Variants in COL8A1 observed in about 807,000 individuals in gnomAD.
The protein encoded by COL8A1 is collagen alpha-1(VIII) chain.
Under a neutral mutation model 42.7 loss-of-function variants are expected in COL8A1, and 21 were observed. The observed-to-expected ratio is 0.49, with a 90% CI of 0.35 to 0.71. The LOEUF (loss-of-function observed/expected upper bound fraction) is 0.71, where lower values mean the gene tolerates loss of function less well. COL8A1 is among the 30% of genes least tolerant of loss of function. The pLI, the probability that COL8A1 is intolerant of heterozygous loss-of-function variation, is 0.01. For synonymous variants in COL8A1, 367 were observed against 369.1 expected, an observed-to-expected ratio of 0.99 and a Z score of 0.06; for missense variants, 788 against 962.4, an observed-to-expected ratio of 0.82 and a Z score of 2.40.
chr3:99,795,338 C>T lies in COL8A1; in HGVS notation c.1437C>T (p.Leu479=), dbSNP rs61753448. ...VPGLPGVPGL[L]GPKGEPGIPG... is the part of the protein sequence containing the mutation. ...GACTCCCTGGTGTTCCAGGGCTTCTCGGACCTAAGGGAGAGCCAGGAATCC... is the reference window on the plus strand; with the variant it reads ...GACTCCCTGGTGTTCCAGGGCTTCTTGGACCTAAGGGAGAGCCAGGAATCC... The change falls in exon 4 of 4, where the codon CTC becomes CTT. Residue 479 remains leucine, a synonymous_variant. Transcript: ENST00000652472. 1,177 of 1,597,910 alleles carry T rather than the reference C, an allele frequency of 7.4e-4. 7 individuals carry two copies. In the African/African-American group the frequency reaches 0.014, roughly 19 times the overall value.
intron 1 of COL8A1, among the ~76,000 whole-genome samples, chr3:99,674,531 C>A (rs550373582): frequency 6.6e-6 from 1 of 152,012 alleles, no homozygotes; most frequent in South Asian, 2.1e-4. Context: ...CTTCCAGCCC[C>A]AGATCATGAC....
chr3:99,734,192 G>A lies in COL8A1; in HGVS notation c.-128-10705G>A, dbSNP rs534548051. Among the ~76,000 whole-genome samples the A allele has an allele frequency of 2.8e-3, 414 of 146,364 alleles. 10 individuals carry two copies. The highest frequency in any genetic ancestry group is 9.7e-3 in the African/African-American group (369 of 38,090). ...GTCAATTTTGTCTTTTGTTGCCATT[G>A]CTTTTGGTGTTTTAGACATGAAGTC... On this transcript the variant is annotated intron_variant, in intron 1 of 3. Coordinates refer to ENST00000652472, the MANE Select transcript of COL8A1 (RefSeq NM_020351.4).
intron 2 of COL8A1, among the ~76,000 whole-genome samples, chr3:99,759,406 C>G (rs941393933): frequency 1.3e-5 from 2 of 152,166 alleles, no homozygotes; most frequent in Non-Finnish European, 2.9e-5. Flanking sequence ...AGACTTCTAT[C>G]CTAGAAATAT....
At chr3:99,751,246 A>G (rs1251186983) in intron 2 of COL8A1, among the ~76,000 whole-genome samples, 1 of 152,152 alleles carries the variant, frequency 6.6e-6, no homozygotes, top group African/African-American at 2.4e-5. Flanking sequence ...TGCAGATGAG[A>G]AAGTAGGAAC....
At chr3:99,662,945 C>A (rs976755143) in intron 1 of COL8A1, among the ~76,000 whole-genome samples, 1 of 152,112 alleles carries the variant, frequency 6.6e-6, no homozygotes, top group Non-Finnish European at 1.5e-5. Flanking sequence ...TATCTCTGAT[C>A]CGGATGCATT....
chr3:99,674,265 G>T (rs1938626405), intron 1 of COL8A1, among the ~76,000 whole-genome samples: 2 of 152,018 alleles, frequency 1.3e-5, no homozygotes, highest in South Asian at 4.2e-4. Context: ...GCCAGAGTGT[G>T]CCTTCATACC....
chr3:99,793,405 A>T (rs7649862), intron 3 of COL8A1, among the ~76,000 whole-genome samples: 10,456 of 152,046 alleles, frequency 0.069, 428 homozygotes, highest in Middle Eastern at 0.085. Context: ...TACAACTATA[A>T]TTTGGATAAC....
chr3:99,719,987 G>C lies in COL8A1; in HGVS notation c.-128-24910G>C, dbSNP rs570943998. 2.6e-5 allele frequency among the ~76,000 whole-genome samples: 4 copies of C among 152,144 alleles called. No individual in the cohort carries two copies. In the South Asian group the frequency reaches 8.3e-4, roughly 32 times the overall value. On this transcript the variant is annotated intron_variant, in intron 1 of 3. Transcript: ENST00000652472. Reference sequence around the variant, plus strand: ...CAACTTTGGTATTCATTTGCATATTGGTAAATTTTTTAGTCCACATTACTA... The same window carrying C: ...CAACTTTGGTATTCATTTGCATATTCGTAAATTTTTTAGTCCACATTACTA...
intron 1 of COL8A1, among the ~76,000 whole-genome samples, chr3:99,713,299 A>G (rs1256862783): frequency 6.6e-6 from 1 of 152,226 alleles, no homozygotes; most frequent in South Asian, 2.1e-4. Context: ...AACCCCTTCA[A>G]TCTTCCACCA....
chr3:99,784,170 T>A (rs1941848417), intron 2 of COL8A1, among the ~76,000 whole-genome samples: 1 of 152,222 alleles, frequency 6.6e-6, no homozygotes, highest in Non-Finnish European at 1.5e-5. Context: ...GCTGGAACTT[T>A]GTTAGCTAAT....
At chr3:99,720,986 G>A (rs931936746) in intron 1 of COL8A1, among the ~76,000 whole-genome samples, 3 of 151,962 alleles carry the variant, frequency 2.0e-5, no homozygotes, top group South Asian at 2.1e-4. Flanking sequence ...GAGTAGAAAC[G>A]GAGAATGGGC....
At position 99,766,036 on chromosome 3, in the gene COL8A1, G is replaced by A. The variant is rs139012978; in HGVS notation, c.-4+21015G>A. 4.5e-3 allele frequency among the ~76,000 whole-genome samples: 685 copies of A among 152,232 alleles called. 5 individuals carry two copies. The highest frequency in any genetic ancestry group is 0.015 in the African/African-American group (636 of 41,532). On this transcript the variant is annotated intron_variant, in intron 2 of 3. Coordinates refer to ENST00000652472, the MANE Select transcript of COL8A1 (RefSeq NM_020351.4). ...GGACAATTTTGTTCATAGATATGCCGAAGGTACCAGAGCTGGTTGGTAAAA... is the reference window on the plus strand; with the variant it reads ...GGACAATTTTGTTCATAGATATGCCAAAGGTACCAGAGCTGGTTGGTAAAA...
At chr3:99,696,975 AAT>A (rs1939389055) in intron 1 of COL8A1, among the ~76,000 whole-genome samples, 5 of 133,894 alleles carry the variant, frequency 3.7e-5, no homozygotes, top group African/African-American at 1.3e-4. Context: ...AATATACACA[AAT>A]TTTTTTTTTT....
At chr3:99,774,548 G>A (rs1464960101) in intron 2 of COL8A1, among the ~76,000 whole-genome samples, 1 of 152,236 alleles carries the variant, frequency 6.6e-6, no homozygotes, top group East Asian at 1.9e-4. Flanking sequence ...GGGAGATGGA[G>A]AGAAGCCAGC....
At position 99,795,991 on chromosome 3, in the gene COL8A1, T is replaced by A. The variant is rs757707029; in HGVS notation, c.2090T>A (p.Leu697Gln). 6.2e-7 allele frequency: 1 copy of A among 1,613,880 alleles called. No individual in the cohort carries two copies. Among genetic ancestry groups the A allele is most frequent in the Non-Finnish European group, 8.5e-7 (1 of 1,179,956 alleles). The change falls in exon 4 of 4, where the codon CTG (leucine) becomes CAG (glutamine). Residue 697 changes from leucine (L) to glutamine (Q), a missense_variant. Transcript: ENST00000652472. Reference sequence around the variant, plus strand: ...TACGACGAGTACAAAAAGGGCTTCCTGGACCAGGCATCTGGGAGTGCAGTG... The same window carrying A: ...TACGACGAGTACAAAAAGGGCTTCCAGGACCAGGCATCTGGGAGTGCAGTG... ...YTYDEYKKGF[L>Q]DQASGSAVLL...
chr3:99,735,895 A>C (rs1231564821), intron 1 of COL8A1, among the ~76,000 whole-genome samples: 3 of 151,960 alleles, frequency 2.0e-5, no homozygotes, highest in African/African-American at 7.2e-5. Flanking sequence ...TGTATGTGTC[A>C]AGGAATTTAT....
At chr3:99,711,559 A>C (rs1026447894) in intron 1 of COL8A1, among the ~76,000 whole-genome samples, 5 of 152,254 alleles carry the variant, frequency 3.3e-5, no homozygotes, top group African/African-American at 1.2e-4. Context: ...AAACGAAGCC[A>C]GTTCTCACCA....
At chr3:99,674,472 C>A (rs964715830) in intron 1 of COL8A1, among the ~76,000 whole-genome samples, 11 of 151,580 alleles carry the variant, frequency 7.3e-5, no homozygotes, top group Non-Finnish European at 1.6e-4. Context: ...GAAGGTGTGG[C>A]TGACAAGAAG....
At chr3:99,774,170 G>T (rs1037013985) in intron 2 of COL8A1, among the ~76,000 whole-genome samples, 5 of 151,054 alleles carry the variant, frequency 3.3e-5, no homozygotes, top group Admixed American at 6.6e-5. Context: ...TTTTAAAAAA[G>T]AATTTTCTTC....
Sources: gnomAD v4.1 joint callset for allele counts (sites outside exome capture counted in the v4.1 genomes callset) on GRCh38, gnomAD v4.1.1 for gene constraint, MANE v1.5 for transcripts, NCBI Gene and HGNC (gene_info 2026-07-23, HGNC 2026-07-21) for gene names.